The following ZNF589 variants were observed in gnomAD, a reference collection of about 807,000 sequenced individuals.
The protein encoded by ZNF589 is KRAB-zinc finger protein SZF1-1.
A neutral mutation model predicts 13.6 loss-of-function variants in ZNF589; 17 were observed. That is an observed-to-expected ratio of 1.25 (90% CI 0.86 to 1.88). The LOEUF (loss-of-function observed/expected upper bound fraction) is 1.88, where lower values mean the gene tolerates loss of function less well. Among genes scored for constraint, ZNF589 ranks in the 40% most tolerant of loss-of-function variants. The pLI is 0.00. For synonymous variants in ZNF589, 148 were observed against 161.6 expected (o/e 0.92, Z 0.64); for missense variants, 407 against 434.0 (o/e 0.94, Z 0.55).
At chr3:48,256,342 G>C (rs944320331) in intron 2 of ZNF589, 2 of 526,142 alleles carry the variant, frequency 3.8e-6, no homozygotes, top group African/African-American at 3.9e-5. Flanking sequence ...AAGCTCTTCT[G>C]TCTGTGAGTG....
intron 1 of ZNF589, among the ~76,000 whole-genome samples, chr3:48,243,609 C>G (rs918980554): frequency 6.6e-6 from 1 of 150,950 alleles, no homozygotes; most frequent in African/African-American, 2.4e-5. Flanking sequence ...GTCAGGAGTT[C>G]GAGACCAGCC....
intron 3 of ZNF589, among the ~76,000 whole-genome samples, chr3:48,264,664 A>G (rs1349536307): frequency 1.3e-5 from 2 of 151,854 alleles, no homozygotes; most frequent in Non-Finnish European, 2.9e-5. Context: ...CCCCGTCACT[A>G]CTAAAAATAC....
At chr3:48,242,079 T>C (rs147151823) in intron 1 of ZNF589, among the ~76,000 whole-genome samples, 31 of 152,124 alleles carry the variant, frequency 2.0e-4, no homozygotes, top group African/African-American at 7.2e-4. Context: ...CCCACAATGT[T>C]GGGATTACAG....
intron 2 of ZNF589, among the ~76,000 whole-genome samples, chr3:48,254,166 G>A (rs1334036545): frequency 1.3e-5 from 2 of 152,178 alleles, no homozygotes; most frequent in African/African-American, 2.4e-5. Flanking sequence ...TGAGGCAGGA[G>A]AATTGCTTGA....
At chr3:48,260,491 C>T (rs909317531) in intron 2 of ZNF589, among the ~76,000 whole-genome samples, 4 of 152,170 alleles carry the variant, frequency 2.6e-5, no homozygotes, top group Non-Finnish European at 4.4e-5. Flanking sequence ...TTACTGCCAC[C>T]TCTGCCTCTC....
In ZNF589 at chr3:48,268,542, G is replaced by C; in HGVS notation, c.851G>C (p.Gly284Ala). 4 of 1,613,922 alleles carry C rather than the reference G, an allele frequency of 2.5e-6. No homozygotes were observed. Among genetic ancestry groups the C allele is most frequent in the Non-Finnish European group, 3.4e-6 (4 of 1,179,936 alleles). ...KPYVCGECGRGFIVESVLRNH... is the reference protein window; with the variant it reads ...KPYVCGECGRAFIVESVLRNH... Reference sequence around the variant, plus strand: ...TATGTCTGCGGAGAGTGTGGGCGAGGCTTTATAGTTGAGTCAGTCCTCCGC... The same window carrying C: ...TATGTCTGCGGAGAGTGTGGGCGAGCCTTTATAGTTGAGTCAGTCCTCCGC... The change falls in exon 4 of 4, where the codon GGC (glycine) becomes GCC (alanine). Residue 284 changes from glycine to alanine, a missense_variant. Gly to Ala is a moderately conservative substitution (Grantham distance 60). Coordinates refer to ENST00000354698, the MANE Select transcript of ZNF589 (RefSeq NM_016089.3).
intron 2 of ZNF589, chr3:48,257,982 C>T (rs930367936): frequency 2.9e-5 from 13 of 443,460 alleles, no homozygotes; most frequent in Middle Eastern, 3.3e-4. Flanking sequence ...TATCAGGTAG[C>T]GTGATCTCTC....
Position 48,247,668 on chromosome 3 carries a change from T to C in ZNF589, c.87T>C (p.Pro29=), listed in dbSNP as rs1559979634. 1.2e-6 allele frequency: 2 copies of C among 1,613,722 alleles called. No individual in the cohort carries two copies. The highest frequency in any genetic ancestry group is 2.2e-5 in the East Asian group (1 of 44,862). The change falls in exon 2 of 4, where the codon CCT becomes CCC. Residue 29 remains proline, a synonymous_variant. Transcript: ENST00000354698. ...KDSAWPWEEK[P]RYLGPVTFED... is the part of the protein sequence containing the mutation. ...CTGCCTGGCCCTGGGAAGAGAAGCC[T>C]AGATATCTGGTGAGTTGGGCCCGCC...
rs1009592647 is a variant in ZNF589 at position 48,241,353 on chromosome 3, C to T, written c.43+139C>T. ...CTGACTACCCCTACAGCGGCTCTTA[C>T]TCCCCTGGGGGGCCAGGTTCCTCCC... On this transcript the variant is annotated intron_variant, in intron 1 of 3. Coordinates refer to ENST00000354698, the MANE Select transcript of ZNF589 (RefSeq NM_016089.3). 2.7e-6 allele frequency: 3 copies of T among 1,110,782 alleles called. No individual in the cohort carries two copies. In the East Asian group the frequency reaches 7.7e-5, roughly 28 times the overall value. The allele number at this position is 1,110,782 out of a possible 1,614,324, so 68.8% of individuals were successfully genotyped here.
intron 1 of ZNF589, among the ~76,000 whole-genome samples, chr3:48,242,045 C>T (rs1438186830): frequency 6.6e-6 from 1 of 152,136 alleles, no homozygotes; most frequent in Non-Finnish European, 1.5e-5. Flanking sequence ...CTCCTGGCCT[C>T]AAGCAATCCA....
chr3:48,267,272 T>C (rs2034028200), intron 3 of ZNF589, among the ~76,000 whole-genome samples: 1 of 152,200 alleles, frequency 6.6e-6, no homozygotes, highest in South Asian at 2.1e-4. Flanking sequence ...CTAAGAAATA[T>C]CAAAATTAAA....
At chr3:48,261,057 T>G in intron 3 of ZNF589, 118 bp downstream of exon 3, 1 of 1,155,862 alleles carries the variant, frequency 8.7e-7, no homozygotes, top group Non-Finnish European at 1.2e-6. Flanking sequence ...ATAAAGCATT[T>G]CTTCTCTCGT....
At chr3:48,266,348 C>T (rs1320577337) in intron 3 of ZNF589, among the ~76,000 whole-genome samples, 1 of 152,094 alleles carries the variant, frequency 6.6e-6, no homozygotes, top group Non-Finnish European at 1.5e-5. Context: ...TTCCCAGACA[C>T]CCAGCCCAAC....
chr3:48,270,605 G>A lies in ZNF589; in HGVS notation c.*1819G>A, dbSNP rs1178830080. 1 of 263,390 alleles carries A rather than the reference G, an allele frequency of 3.8e-6. No homozygotes were observed. Among genetic ancestry groups the A allele is most frequent in the Non-Finnish European group, 7.5e-6 (1 of 133,446 alleles). The allele number at this position is 263,390 out of a possible 1,614,324, so 16.3% of individuals were successfully genotyped here. The stretch of plus-strand genomic sequence containing the variant: ...GCCCTACCTGATACCCTGTGTCAAT[G>A]AGTGTACCTTGGAGAGCTATCCACT... On this transcript the variant is annotated 3_prime_UTR_variant, in exon 4 of 4. Transcript: ENST00000354698.
intron 3 of ZNF589, among the ~76,000 whole-genome samples, chr3:48,264,498 A>C (rs1457100107): frequency 6.7e-6 from 1 of 150,370 alleles, no homozygotes. Flanking sequence ...GCACCACTGC[A>C]CTCCAGCCTG....
chr3:48,244,125 G>A (rs2033734072), intron 1 of ZNF589, among the ~76,000 whole-genome samples: 1 of 152,292 alleles, frequency 6.6e-6, no homozygotes, highest in African/African-American at 2.4e-5. Flanking sequence ...GTTCAGCTGT[G>A]TGAGGTTACT....
rs188543106 is a variant in ZNF589, at chr3:48,245,725, T to A, written c.44-1900T>A. On this transcript the variant is annotated intron_variant, in intron 1 of 3. Transcript: ENST00000354698. ...CATTTGGGAGGCCGAGGCAGGCAGA[T>A]CACCTGAGGTCAGGAGTTCGAGACC... 2.1e-3 allele frequency among the ~76,000 whole-genome samples: 324 copies of A among 152,276 alleles called. 2 individuals are homozygous for A. Among genetic ancestry groups the A allele is most frequent in the Admixed American group, 4.1e-3 (62 of 15,298 alleles).
chr3:48,268,319 C>G lies in ZNF589; in HGVS notation c.628C>G (p.Pro210Ala). The change falls in exon 4 of 4, where the codon CCA becomes GCA. Residue 210 changes from proline (P) to alanine (A), a missense_variant. Transcript: ENST00000354698. The stretch of plus-strand genomic sequence containing the variant: ...CAGAATTTCCAAGAGGGCAGAAACC[C>G]CAGGGTTTGGAGCAGTCACGTTTGG... ...VDRISKRAET[P>A]GFGAVTFGEC... 3.1e-6 allele frequency: 5 copies of G among 1,613,990 alleles called. No homozygotes were observed. The highest frequency in any genetic ancestry group is 4.2e-6 in the Non-Finnish European group (5 of 1,179,890).
At chr3:48,260,016 G>A (rs966304188) in intron 2 of ZNF589, among the ~76,000 whole-genome samples, 2 of 152,100 alleles carry the variant, frequency 1.3e-5, no homozygotes, top group Non-Finnish European at 2.9e-5. Context: ...CTTGAATTCA[G>A]TAGAAGTTGA....
Sources: allele counts gnomAD v4.1 joint callset (sites outside exome capture counted in the v4.1 genomes callset), GRCh38; gene constraint gnomAD v4.1.1; transcripts MANE v1.5; gene names NCBI Gene and HGNC (gene_info 2026-07-23, HGNC 2026-07-21).